MACROD2: variants seen among roughly 807,000 people sequenced by gnomAD.
MACROD2 encodes the protein ADP-ribose glycohydrolase MACROD2.
In MACROD2, 36 loss-of-function variants were observed where a neutral mutation model predicts 70.4. The ratio of observed to expected loss-of-function variants is 0.51; its 90% CI spans 0.39 to 0.68. MACROD2 has a LOEUF of 0.68. Among genes scored for constraint, MACROD2 ranks in the 30% least tolerant of loss-of-function variants. The pLI, the probability that MACROD2 is intolerant of heterozygous loss-of-function variation, is 0.00. For missense variants in MACROD2, 496 were observed against 538.4 expected (o/e 0.92, Z 0.78); for synonymous variants, 172 against 178.8 (o/e 0.96, Z 0.30).
chr20:15,145,806 A>G (rs991918395), intron 5 of MACROD2, among the ~76,000 whole-genome samples: 2 of 152,074 alleles, frequency 1.3e-5, no homozygotes, highest in Non-Finnish European at 1.5e-5. Context: ...TACCTAAAAG[A>G]TGATGTTTGC....
intron 2 of MACROD2, chr20:14,003,639 TCAGAA>T (rs1173683223): frequency 2.2e-6 from 1 of 455,646 alleles, no homozygotes; most frequent in Non-Finnish European, 4.4e-6. Flanking sequence ...CCACCCCGTC[TCAGAA>T]CAGAAGGGTG....
At chr20:14,524,710 G>A (rs2085209750) in intron 4 of MACROD2, among the ~76,000 whole-genome samples, 1 of 152,120 alleles carries the variant, frequency 6.6e-6, no homozygotes, top group Non-Finnish European at 1.5e-5. Flanking sequence ...GAAAGGGAGA[G>A]CATATTTAGA....
chr20:14,337,697 G>GCCAA (rs2082964039), intron 3 of MACROD2: 1 of 395,756 alleles, frequency 2.5e-6, no homozygotes, highest in Non-Finnish European at 4.5e-6. Context: ...GCAGGACTTA[G>GCCAA]CCAAGATCTT....
At chr20:15,078,337 T>G (rs746655190) in intron 5 of MACROD2, among the ~76,000 whole-genome samples, 8 of 152,118 alleles carry the variant, frequency 5.3e-5, no homozygotes, top group Admixed American at 2.0e-4. Context: ...CCCCTTCTCC[T>G]AAGAACTCAA....
chr20:15,838,856 T>C (rs982639902), intron 8 of MACROD2, among the ~76,000 whole-genome samples: 1 of 145,318 alleles, frequency 6.9e-6, no homozygotes, highest in African/African-American at 2.6e-5. Context: ...GATAAAAGCA[T>C]TTATAAAAAT....
chr20:15,355,089 A>G (rs1461095393), intron 6 of MACROD2, among the ~76,000 whole-genome samples: 2 of 152,198 alleles, frequency 1.3e-5, no homozygotes, highest in East Asian at 3.9e-4. Context: ...CAACTGATCT[A>G]ATGCCAACTG....
At chr20:14,460,870 C>T (rs2084360561) in intron 3 of MACROD2, among the ~76,000 whole-genome samples, 2 of 151,916 alleles carry the variant, frequency 1.3e-5, no homozygotes. Context: ...GGGATATTGG[C>T]CTGAAATTAT....
chr20:15,162,432 C>T (rs990983838), intron 5 of MACROD2, among the ~76,000 whole-genome samples: 2 of 151,990 alleles, frequency 1.3e-5, no homozygotes, highest in South Asian at 2.1e-4. Flanking sequence ...AAGGGTGGTC[C>T]AGGAAAAAAA....
chr20:15,230,029 A>C lies in MACROD2; in HGVS notation c.508A>C (p.Lys170Gln), dbSNP rs555734625. The change falls in exon 6 of 18, where the codon AAG becomes CAG. Residue 170 changes from lysine (K) to glutamine (Q), a missense_variant. Physicochemically the swap from Lys to Gln is moderately conservative, Grantham distance 53. Transcript: ENST00000684519. Reference protein sequence around the residue: ...DLANCYKSSLKLVKENNIRSV... With the variant: ...DLANCYKSSLQLVKENNIRSV... ...TGCAAATTGCTATAAATCATCTCTG[A>C]AGCTCGTGAAAGAAAATAACATCCG... 1 of 1,613,636 alleles carries C rather than the reference A, an allele frequency of 6.2e-7. No homozygotes were observed. Among genetic ancestry groups the C allele is most frequent in the Admixed American group, 1.7e-5 (1 of 59,982 alleles).
intron 3 of MACROD2, among the ~76,000 whole-genome samples, chr20:14,106,862 C>T (rs1005407791): frequency 6.6e-6 from 1 of 152,194 alleles, no homozygotes; most frequent in Non-Finnish European, 1.5e-5. Context: ...GCAAGAACCA[C>T]AGTGTTTTTG....
intron 4 of MACROD2, among the ~76,000 whole-genome samples, chr20:14,528,290 CTTT>C (rs71335971): frequency 2.2e-4 from 30 of 136,762 alleles, no homozygotes; most frequent in Admixed American, 7.4e-5. Context: ...TGTGTTGTTG[CTTT>C]TTTTTTTTTA....
At chr20:14,911,551 AC>A (rs2122595543) in intron 5 of MACROD2, among the ~76,000 whole-genome samples, 1 of 151,798 alleles carries the variant, frequency 6.6e-6, no homozygotes, top group African/African-American at 2.4e-5. Flanking sequence ...TAACTTTTAA[AC>A]TTTTTTTTTA....
chr20:15,727,007 G>T (rs1026235605), intron 8 of MACROD2, among the ~76,000 whole-genome samples: 1 of 152,050 alleles, frequency 6.6e-6, no homozygotes, highest in East Asian at 1.9e-4. Context: ...CTTTGTCAGG[G>T]CCTATGTCCA....
chr20:15,539,738 A>C (rs762600876), intron 8 of MACROD2, among the ~76,000 whole-genome samples: 1 of 152,242 alleles, frequency 6.6e-6, no homozygotes, highest in Non-Finnish European at 1.5e-5. Context: ...CTGTTATCCC[A>C]GCACTTTGGG....
rs888654990 is a variant in MACROD2, at chr20:15,070,094, C to T, written c.419-159846C>T. ...GGCTTCCCAAGGCCTTGGGAGCCCA[C>T]CCCTCACACCAGTGTGCTTAGGATG... On this transcript the variant is annotated intron_variant, in intron 5 of 17. Coordinates refer to ENST00000684519, the MANE Select transcript of MACROD2 (RefSeq NM_001351661.2). Among the ~76,000 whole-genome samples the T allele has an allele frequency of 2.0e-5, 3 of 152,112 alleles. No homozygotes were observed. The South Asian group carries it at 6.2e-4, about 32-fold the overall frequency.
intron 8 of MACROD2, among the ~76,000 whole-genome samples, chr20:15,800,010 G>A (rs1287916892): frequency 2.0e-5 from 3 of 151,924 alleles, no homozygotes; most frequent in South Asian, 4.2e-4. Context: ...TATTATTGTG[G>A]TTTTGATTTG....
chr20:16,044,920 C>A (rs929766292), intron 17 of MACROD2, among the ~76,000 whole-genome samples: 3 of 152,130 alleles, frequency 2.0e-5, no homozygotes, highest in Non-Finnish European at 4.4e-5. Context: ...CCATCTCACC[C>A]CCTGGCCTCC....
intron 5 of MACROD2, among the ~76,000 whole-genome samples, chr20:15,068,081 G>A (rs1601024324): frequency 1.3e-5 from 2 of 151,734 alleles, no homozygotes; most frequent in South Asian, 4.2e-4. Context: ...TTTTATCTGG[G>A]CATCTTCTCT....
At chr20:15,577,317 T>C (rs2048462386) in intron 8 of MACROD2, among the ~76,000 whole-genome samples, 1 of 152,038 alleles carries the variant, frequency 6.6e-6, no homozygotes, top group African/African-American at 2.4e-5. Flanking sequence ...AGAGTTCATA[T>C]CTACCCCAAC....
Sources: gnomAD v4.1 joint callset for allele counts (sites outside exome capture counted in the v4.1 genomes callset) on GRCh38, gnomAD v4.1.1 for gene constraint, MANE v1.5 for transcripts, NCBI Gene and HGNC (gene_info 2026-07-23, HGNC 2026-07-21) for gene names.